SLIT2: variants seen among roughly 807,000 people sequenced by gnomAD.
SLIT2 encodes slit guidance ligand 2.
Under a neutral mutation model 185.7 loss-of-function variants are expected in SLIT2, and 41 were observed. The ratio of observed to expected loss-of-function variants is 0.22; its 90% CI spans 0.17 to 0.29. SLIT2 has a LOEUF of 0.29. SLIT2 is among the 10% of genes least tolerant of loss of function. The probability of loss-of-function intolerance (pLI) is 1.00; values close to 1 mark genes in which losing one functional copy is unlikely to be tolerated. For synonymous variants in SLIT2, 693 were observed against 680.2 expected, an observed-to-expected ratio of 1.02 and a Z score of -0.29; for missense variants, 1,571 against 1,909.0, an observed-to-expected ratio of 0.82 and a Z score of 3.30.
intron 4 of SLIT2, among the ~76,000 whole-genome samples, chr4:20,429,302 C>A (rs1728790551): frequency 6.6e-6 from 1 of 152,036 alleles, no homozygotes; most frequent in Non-Finnish European, 1.5e-5. Flanking sequence ...TATGCAATCC[C>A]AATTTTTGTA....
At chr4:20,299,659 T>C (rs1716857200) in intron 4 of SLIT2, among the ~76,000 whole-genome samples, 4 of 151,754 alleles carry the variant, frequency 2.6e-5, no homozygotes, top group Admixed American at 2.6e-4. Flanking sequence ...TTTTTTGTTT[T>C]TTTTTTTTAG....
intron 26 of SLIT2, among the ~76,000 whole-genome samples, chr4:20,562,565 T>G (rs966536336): frequency 1.3e-5 from 2 of 151,784 alleles, no homozygotes; most frequent in Non-Finnish European, 2.9e-5. Context: ...AACTGTAAGT[T>G]TTTTCAGAAA....
chr4:20,550,878 T>A lies in SLIT2; in HGVS notation c.2541T>A (p.Asp847Glu). The A allele has an allele frequency of 1.2e-6, 2 of 1,604,038 alleles. No homozygotes were observed. Among genetic ancestry groups the A allele is most frequent in the Non-Finnish European group, 1.7e-6 (2 of 1,171,762 alleles). Reference protein sequence around the residue: ...ISVVPEGAFNDLSALSHLAIG... With the variant: ...ISVVPEGAFNELSALSHLAIG... ...TTGTGCCTGAAGGTGCTTTCAATGA[T>A]CTTTCTGCATTATCACATCTGTGAG... Residue 847 changes from aspartate to glutamate, a missense_variant, in exon 25 of 37, where the codon GAT (aspartate) becomes GAA (glutamate). Asp to Glu is a conservative substitution (Grantham distance 45). Around this residue, in one of 3 missense-constraint regions of SLIT2, gnomAD observed 1,202 missense variants for 1,416.4 expected, o/e 0.85. Transcript: ENST00000504154.
At chr4:20,501,994 T>C (rs1377372717) in intron 9 of SLIT2, among the ~76,000 whole-genome samples, 1 of 152,178 alleles carries the variant, frequency 6.6e-6, no homozygotes, top group Non-Finnish European at 1.5e-5. Context: ...ACTTATTTCT[T>C]TCTTGTACCT....
Position 20,596,569 on chromosome 4 carries a change from T to C in SLIT2, c.3475T>C (p.Leu1159=), listed in dbSNP as rs748085031. 2.5e-6 allele frequency: 4 copies of C among 1,613,786 alleles called. No individual in the cohort carries two copies. Among genetic ancestry groups the C allele is most frequent in the East Asian group, 2.2e-5 (1 of 44,852 alleles). ...CTATCAGGGAGAAAAGTGTGAAAAA[T>C]TGGTTAGTGTGAATTTTATAAACAA... The part of the protein sequence containing the change: ...PGYQGEKCEK[L]VSVNFINKES... The change falls in exon 32 of 37, where the codon TTG becomes CTG. Residue 1159 remains leucine, a synonymous_variant. Transcript: ENST00000504154.
intron 29 of SLIT2, 28 bp from the exon 30 acceptor site, chr4:20,589,616 T>C: frequency 6.3e-7 from 1 of 1,575,690 alleles, no homozygotes; most frequent in African/African-American, 1.3e-5. Context: ...CCTTTTTCTA[T>C]GAGCTAACAC....
At chr4:20,401,494 G>A (rs1007436547) in intron 4 of SLIT2, among the ~76,000 whole-genome samples, 1 of 151,610 alleles carries the variant, frequency 6.6e-6, no homozygotes, top group Non-Finnish European at 1.5e-5. Flanking sequence ...TTGTGAAGAG[G>A]GCTCTTCAGA....
chr4:20,294,068 C>T (rs997701428), intron 4 of SLIT2, among the ~76,000 whole-genome samples: 1 of 151,918 alleles, frequency 6.6e-6, no homozygotes, highest in Non-Finnish European at 1.5e-5. Context: ...CACATATTGT[C>T]TGGGTGTGGT....
At chr4:20,499,496 TTG>T (rs1198500704) in intron 9 of SLIT2, among the ~76,000 whole-genome samples, 1 of 152,094 alleles carries the variant, frequency 6.6e-6, no homozygotes, top group African/African-American at 2.4e-5. Flanking sequence ...TTTTGTTTGT[TTG>T]TTTGTTTTTG....
rs551038171 is a variant in SLIT2 at position 20,519,406 on chromosome 4, A to G, written c.1083A>G (p.Thr361=). 3.1e-6 allele frequency: 5 copies of G among 1,588,032 alleles called. No individual in the cohort carries two copies. The South Asian group carries it at 4.4e-5, about 14-fold the overall frequency. Residue 361 remains threonine (T), a synonymous_variant, in exon 12 of 37, where the codon ACA becomes ACG. Transcript: ENST00000504154. ...GTGTCCTCTATGGAAATAAAATCAC[A>G]GAACTCCCCAAAAGTTTATTTGAAG... ...NSLVLYGNKI[T]ELPKSLFEGL...
chr4:20,387,351 C>A (rs987375926), intron 4 of SLIT2, among the ~76,000 whole-genome samples: 1 of 151,950 alleles, frequency 6.6e-6, no homozygotes, highest in Admixed American at 6.6e-5. Flanking sequence ...GTAAAATAAA[C>A]CCATTCCACA....
At chr4:20,452,715 A>G (rs1479279979) in intron 4 of SLIT2, among the ~76,000 whole-genome samples, 2 of 151,928 alleles carry the variant, frequency 1.3e-5, no homozygotes, top group African/African-American at 2.4e-5. Context: ...TTGATTTTTC[A>G]TATTGTGTTG....
At chr4:20,350,962 T>A (rs536245615) in intron 4 of SLIT2, among the ~76,000 whole-genome samples, 26 of 152,320 alleles carry the variant, frequency 1.7e-4, no homozygotes, top group African/African-American at 6.3e-4. Context: ...AAAGTATTAG[T>A]GCAGCATTGG....
chr4:20,258,662 C>G (rs1245660059), intron 3 of SLIT2, among the ~76,000 whole-genome samples: 1 of 151,630 alleles, frequency 6.6e-6, no homozygotes, highest in African/African-American at 2.4e-5. Flanking sequence ...CTGCAAAAGA[C>G]AAAACCTCTG....
intron 11 of SLIT2, among the ~76,000 whole-genome samples, chr4:20,513,050 G>A (rs1423294483): frequency 6.6e-6 from 1 of 152,284 alleles, no homozygotes; most frequent in South Asian, 2.1e-4. Context: ...ATAAAATAGT[G>A]TGTTGTCACT....
chr4:20,436,054 C>T (rs1409695166), intron 4 of SLIT2, among the ~76,000 whole-genome samples: 1 of 152,164 alleles, frequency 6.6e-6, no homozygotes, highest in East Asian at 1.9e-4. Context: ...GTATAATGCA[C>T]TCAGTTGAAC....
intron 4 of SLIT2, among the ~76,000 whole-genome samples, chr4:20,362,674 T>C (rs1722833597): frequency 6.6e-6 from 1 of 151,920 alleles, no homozygotes; most frequent in African/African-American, 2.4e-5. Flanking sequence ...TAAATATGTT[T>C]ATTCACTTAA....
chr4:20,573,425 C>T (rs1036528946), intron 29 of SLIT2, among the ~76,000 whole-genome samples: 3 of 152,036 alleles, frequency 2.0e-5, no homozygotes, highest in African/African-American at 7.2e-5. Context: ...ATCTATGCAT[C>T]GCTATGACAA....
chr4:20,256,739 G>A lies in SLIT2; in HGVS notation c.247G>A (p.Val83Ile). Residue 83 changes from valine (V) to isoleucine (I), a missense_variant, in exon 2 of 37, where the codon GTT (valine) becomes ATT (isoleucine). Around this residue, in one of 3 missense-constraint regions of SLIT2, gnomAD observed 1,202 missense variants for 1,416.4 expected, o/e 0.85. Coordinates refer to ENST00000504154, the MANE Select transcript of SLIT2 (RefSeq NM_004787.4). The stretch of plus-strand genomic sequence containing the variant: ...TTTTGCTGGTCTTAGACATCTAAGA[G>A]TTCTGTAAGTGCATCCTCTGTATTT... Reference protein sequence around the residue: ...TDFAGLRHLRVLQLMENKIST... With the variant: ...TDFAGLRHLRILQLMENKIST... 1 of 1,454,144 alleles carries A rather than the reference G, an allele frequency of 6.9e-7. No homozygotes were observed. Among genetic ancestry groups the A allele is most frequent in the East Asian group, 2.3e-5 (1 of 42,876 alleles). The allele number at this position is 1,454,144 out of a possible 1,614,324, so 90.1% of individuals were successfully genotyped here. A position where few individuals can be genotyped will look rare whatever the true frequency, so the allele number is the denominator to read the frequency against.
Sources: gnomAD v4.1 joint callset for allele counts (sites outside exome capture counted in the v4.1 genomes callset) on GRCh38, gnomAD v4.1.1 for gene constraint, gnomAD v4.1.1 regional missense constraint, MANE v1.5 for transcripts, NCBI Gene and HGNC (gene_info 2026-07-23, HGNC 2026-07-21) for gene names.